Variants in UNC80 observed in about 807,000 individuals in gnomAD.
UNC80 encodes unc-80 subunit of NALCN channel complex.
Under a neutral mutation model 384.6 loss-of-function variants are expected in UNC80, and 164 were observed. The observed-to-expected ratio is 0.43, with a 90% CI of 0.38 to 0.49. UNC80 has a LOEUF of 0.49. Among genes scored for constraint, UNC80 ranks in the 20% least tolerant of loss-of-function variants. The pLI is 0.00. For synonymous variants in UNC80, 1,486 were observed against 1,527.8 expected (o/e 0.97, Z 0.64); for missense variants, 3,330 against 4,143.0 (o/e 0.80, Z 5.39).
rs1179569918 is a variant in UNC80 at position 209,984,903 on chromosome 2, G to A, written c.9305G>A (p.Ser3102Asn). 6.4e-7 allele frequency: 1 copy of A among 1,550,688 alleles called. No individual in the cohort carries two copies. The highest frequency in any genetic ancestry group is 8.7e-7 in the Non-Finnish European group (1 of 1,146,666). ...DDSQGLAAEGSLSRVASIQSE... is the reference protein window; with the variant it reads ...DDSQGLAAEGNLSRVASIQSE... ...TCCCAGGGCCTGGCCGCCGAGGGCAGCCTCTCTAGGTACAGTGTCAATGCT... is the reference window on the plus strand; with the variant it reads ...TCCCAGGGCCTGGCCGCCGAGGGCAACCTCTCTAGGTACAGTGTCAATGCT... The change falls in exon 61 of 65, where the codon AGC (serine) becomes AAC (asparagine). Residue 3102 changes from serine to asparagine, a missense_variant. Ser to Asn is a conservative substitution (Grantham distance 46). Transcript: ENST00000673920.
intron 22 of UNC80, among the ~76,000 whole-genome samples, chr2:209,855,404 G>C (rs1405599249): frequency 1.3e-5 from 2 of 152,046 alleles, no homozygotes; most frequent in Non-Finnish European, 1.5e-5. Context: ...AACCACCATG[G>C]CACAAGTTTA....
intron 47 of UNC80, among the ~76,000 whole-genome samples, chr2:209,952,645 A>T (rs2092238324): frequency 6.6e-6 from 1 of 152,184 alleles, no homozygotes; most frequent in Admixed American, 6.5e-5. Flanking sequence ...TGGCTGGATG[A>T]ACTGAAGAAG....
intron 4 of UNC80, among the ~76,000 whole-genome samples, chr2:209,781,466 A>T (rs1483498337): frequency 6.7e-6 from 1 of 150,246 alleles, no homozygotes; most frequent in African/African-American, 2.4e-5. Flanking sequence ...TGAGTTGTTG[A>T]ATCTAATCTC....
At chr2:209,800,158 A>AT (rs1398393395) in intron 7 of UNC80, among the ~76,000 whole-genome samples, 3 of 151,790 alleles carry the variant, frequency 2.0e-5, no homozygotes, top group Admixed American at 6.6e-5. Flanking sequence ...TCTTCTTTGT[A>AT]TTTCTGGCAG....
chr2:209,829,385 T>G lies in UNC80; in HGVS notation c.2626+6T>G, dbSNP rs2080786987. 6.4e-7 allele frequency: 1 copy of G among 1,550,926 alleles called. No individual in the cohort carries two copies. The highest frequency in any genetic ancestry group is 8.7e-7 in the Non-Finnish European group (1 of 1,146,616). On this transcript the variant is annotated splice_donor_region_variant and intron_variant, in intron 15 of 64. Coordinates refer to ENST00000673920, the MANE Select transcript of UNC80 (RefSeq NM_001371986.1). ...TATGGAGCCGGTCACTGACAGTAAG[T>G]AAAGCTGCACCCAAGTTCTAGGAGA...
intron 24 of UNC80, among the ~76,000 whole-genome samples, chr2:209,879,968 A>G (rs2085140781): frequency 1.3e-5 from 2 of 152,220 alleles, no homozygotes; most frequent in South Asian, 4.1e-4. Context: ...AGAAAGCCTA[A>G]CACCCAGGAA....
At chr2:209,922,557 C>T (rs1359068097) in intron 35 of UNC80, among the ~76,000 whole-genome samples, 174 bp downstream of exon 35, 3 of 152,152 alleles carry the variant, frequency 2.0e-5, no homozygotes, top group Middle Eastern at 3.4e-3. Flanking sequence ...GTTGATTTAC[C>T]TCAGCAATTG....
intron 37 of UNC80, among the ~76,000 whole-genome samples, chr2:209,930,620 T>C (rs2090781123): frequency 6.6e-6 from 1 of 152,178 alleles, no homozygotes; most frequent in African/African-American, 2.4e-5. Context: ...GTCCTCCTCA[T>C]AGTCCCGTCA....
chr2:209,935,765 A>G lies in UNC80; in HGVS notation c.6230A>G (p.Gln2077Arg). The change falls in exon 40 of 65, where the codon CAG (glutamine) becomes CGG (arginine). Residue 2077 changes from glutamine to arginine, a missense_variant. By Grantham distance (43) the Gln-to-Arg change is conservative (BLOSUM62 1). Transcript: ENST00000673920. ...HGQNECDIPTQLPVHEDTQFE... is the reference protein window; with the variant it reads ...HGQNECDIPTRLPVHEDTQFE... ...CAGAATGAGTGCGATATCCCAACCCAGTTACCAGTCCATGAAGACACTCAA... is the reference window on the plus strand; with the variant it reads ...CAGAATGAGTGCGATATCCCAACCCGGTTACCAGTCCATGAAGACACTCAA... The G allele has an allele frequency of 6.5e-7, 1 of 1,540,572 alleles. No homozygotes were observed. The highest frequency in any genetic ancestry group is 8.7e-7 in the Non-Finnish European group (1 of 1,142,858).
At chr2:209,884,710 T>G (rs557352247) in intron 25 of UNC80, among the ~76,000 whole-genome samples, 1 of 152,284 alleles carries the variant, frequency 6.6e-6, no homozygotes, top group South Asian at 2.1e-4. Flanking sequence ...TGGAATACTA[T>G]GCAGCCATAA....
chr2:209,867,566 T>C (rs1400233330), intron 22 of UNC80, among the ~76,000 whole-genome samples: 2 of 152,116 alleles, frequency 1.3e-5, no homozygotes, highest in African/African-American at 2.4e-5. Flanking sequence ...ACCAACTTCT[T>C]TGGGGCAGAT....
chr2:209,941,861 G>A (rs192838980), intron 44 of UNC80, among the ~76,000 whole-genome samples: 3 of 152,304 alleles, frequency 2.0e-5, no homozygotes, highest in Non-Finnish European at 4.4e-5. Context: ...ATCTCTTGAA[G>A]TGAGGAGCTT....
At chr2:209,902,408 C>T (rs1171538411) in intron 28 of UNC80, among the ~76,000 whole-genome samples, 1 of 152,186 alleles carries the variant, frequency 6.6e-6, no homozygotes, top group Non-Finnish European at 1.5e-5. Flanking sequence ...GTTGATAAGG[C>T]AGCAGCAGGG....
chr2:209,789,827 G>A (rs746589011), intron 6 of UNC80, among the ~76,000 whole-genome samples: 4 of 151,922 alleles, frequency 2.6e-5, no homozygotes, highest in East Asian at 1.9e-4. Context: ...GACCATATAC[G>A]ACTAGTATTT....
chr2:209,931,427 G>A (rs1190802802), intron 38 of UNC80, among the ~76,000 whole-genome samples: 1 of 135,670 alleles, frequency 7.4e-6, no homozygotes, highest in East Asian at 2.2e-4. Context: ...AGATGCAACT[G>A]TTGTCCTAGA....
chr2:209,959,441 A>G (rs192564671), intron 50 of UNC80, 48 bp from the exon 51 acceptor site: 5 of 1,512,480 alleles, frequency 3.3e-6, no homozygotes, highest in East Asian at 2.5e-5. Flanking sequence ...CACAGCTGCT[A>G]CATGAATACA....
chr2:209,974,122 T>C (rs888633236), intron 56 of UNC80, among the ~76,000 whole-genome samples: 3 of 152,182 alleles, frequency 2.0e-5, no homozygotes, highest in Admixed American at 6.5e-5. Flanking sequence ...TTGCCTGATA[T>C]TTTTCAATTC....
intron 20 of UNC80, among the ~76,000 whole-genome samples, chr2:209,841,647 G>A (rs2081761996): frequency 6.6e-6 from 1 of 152,132 alleles, no homozygotes; most frequent in Admixed American, 6.6e-5. Context: ...ACCACGCCCA[G>A]CCAAACCAGT....
At position 209,793,585 on chromosome 2, in the gene UNC80, A is replaced by G. The variant is rs1253026542; in HGVS notation, c.799-135A>G. ...TCAAAATCCCTTGGCCCATAATATC[A>G]TAATTAACTATAGTGAAAAAAAGCC... On this transcript the variant is annotated intron_variant, in intron 6 of 64. Coordinates refer to ENST00000673920, the MANE Select transcript of UNC80 (RefSeq NM_001371986.1). 10 of 992,620 alleles carry G rather than the reference A, an allele frequency of 1.0e-5. No homozygotes were observed. In the South Asian group the frequency reaches 1.3e-4, roughly 13 times the overall value. 61.5% of individuals were successfully genotyped at this position (992,620 alleles called of 1,614,324 possible).
Sources: gnomAD v4.1 joint callset for allele counts (sites outside exome capture counted in the v4.1 genomes callset) on GRCh38, gnomAD v4.1.1 for gene constraint, MANE v1.5 for transcripts, NCBI Gene and HGNC (gene_info 2026-07-23, HGNC 2026-07-21) for gene names.